Variants in TENM3 observed in about 807,000 individuals in gnomAD.
TENM3 encodes teneurin transmembrane protein 3, also known as teneurin-3.
In TENM3, 63 loss-of-function variants were observed where a neutral mutation model predicts 255.1. The observed-to-expected ratio is 0.25, with a 90% CI of 0.20 to 0.30. The LOEUF (loss-of-function observed/expected upper bound fraction) is 0.30, where lower values mean the gene tolerates loss of function less well. TENM3 is among the 10% of genes least tolerant of loss of function. TENM3 has a pLI of 1.00. For synonymous variants in TENM3, 1,306 were observed against 1,322.3 expected, an observed-to-expected ratio of 0.99 and a Z score of 0.27; for missense variants, 2,929 against 3,461.1, an observed-to-expected ratio of 0.85 and a Z score of 3.86.
At chr4:182,364,562 G>A (rs977654092) in intron 3 of TENM3, among the ~76,000 whole-genome samples, 8 of 152,032 alleles carry the variant, frequency 5.3e-5, no homozygotes, top group African/African-American at 9.7e-5. Flanking sequence ...GACTACGGGC[G>A]CCCACCACCA....
chr4:181,967,759 G>A, the TENM3 span, among the ~76,000 whole-genome samples: 1 of 152,138 alleles, frequency 6.6e-6, no homozygotes, highest in Non-Finnish European at 1.5e-5. Context: ...TAGAGGCTCA[G>A]AGTCAAACAG....
chr4:182,626,275 C>T (rs564525868), intron 4 of TENM3, among the ~76,000 whole-genome samples: 1 of 152,102 alleles, frequency 6.6e-6, no homozygotes, highest in Non-Finnish European at 1.5e-5. Flanking sequence ...ATTTGTAAAC[C>T]AGGGAATTAA....
At chr4:182,615,620 A>G (rs1749432397) in intron 4 of TENM3, among the ~76,000 whole-genome samples, 1 of 152,148 alleles carries the variant, frequency 6.6e-6, no homozygotes. Flanking sequence ...TACACACGGT[A>G]GATACTTAAA....
At chr4:182,396,533 TCTTCATTGA>T (rs1224156877) in intron 3 of TENM3, among the ~76,000 whole-genome samples, 2 of 152,338 alleles carry the variant, frequency 1.3e-5, no homozygotes, top group African/African-American at 4.8e-5. Context: ...ATGGTGCACT[TCTTCATTGA>T]CATGTTATAA....
the TENM3 span, among the ~76,000 whole-genome samples, chr4:181,926,992 C>T: frequency 6.6e-6 from 1 of 152,252 alleles, no homozygotes; most frequent in Non-Finnish European, 1.5e-5. Context: ...AGAAACTACA[C>T]TTTTCCCATG....
intron 6 of TENM3, among the ~76,000 whole-genome samples, chr4:182,658,719 G>T (rs532771479): frequency 2.0e-5 from 3 of 152,190 alleles, no homozygotes; most frequent in Non-Finnish European, 4.4e-5. Flanking sequence ...TACTTCTTGC[G>T]TTCTTACTTA....
At chr4:182,404,147 T>G (rs1348033448) in intron 3 of TENM3, among the ~76,000 whole-genome samples, 2 of 152,208 alleles carry the variant, frequency 1.3e-5, no homozygotes, top group Non-Finnish European at 2.9e-5. Flanking sequence ...CTGACATTTT[T>G]GTTCCCCTTC....
chr4:181,779,483 T>C, the TENM3 span, among the ~76,000 whole-genome samples: 1 of 151,794 alleles, frequency 6.6e-6, no homozygotes, highest in Admixed American at 6.6e-5. Flanking sequence ...AAATAAAAAG[T>C]TCTATCCTTT....
At chr4:181,653,991 C>T in the TENM3 span, among the ~76,000 whole-genome samples, 1 of 151,902 alleles carries the variant, frequency 6.6e-6, no homozygotes, top group African/African-American at 2.4e-5. Context: ...TTGGTGCCAT[C>T]ATATTCCCAG....
intron 19 of TENM3, among the ~76,000 whole-genome samples, chr4:182,749,077 G>A (rs780653283): frequency 1.3e-4 from 20 of 151,980 alleles, no homozygotes; most frequent in Admixed American, 1.2e-3. Context: ...GAAAACTCAC[G>A]TCCCATAGCT....
Position 182,601,031 on chromosome 4 carries a change from T to C in TENM3, c.619T>C (p.Ser207Pro), listed in dbSNP as rs965973706. Residue 207 changes from serine to proline, a missense_variant, in exon 4 of 28, where the codon TCC becomes CCC. Physicochemically the swap from Ser to Pro is moderately conservative, Grantham distance 74. This residue lies in a region of TENM3 where 283 missense variants were observed against 256.9 expected (regional missense o/e 1.10). Transcript: ENST00000511685. The part of the protein sequence containing the change: ...HPSITSLNRN[S>P]LTNRRNQSPA... ...ATCCATCACTTCTCTCAACAGAAACTCCCTGACCAATAGAAGGAACCAGAG... is the reference window on the plus strand; with the variant it reads ...ATCCATCACTTCTCTCAACAGAAACCCCCTGACCAATAGAAGGAACCAGAG... 1.3e-6 allele frequency: 2 copies of C among 1,582,220 alleles called. No individual in the cohort carries two copies. The highest frequency in any genetic ancestry group is 1.1e-5 in the South Asian group (1 of 90,454).
chr4:181,746,441 G>T, the TENM3 span, among the ~76,000 whole-genome samples: 1 of 152,156 alleles, frequency 6.6e-6, no homozygotes, highest in Non-Finnish European at 1.5e-5. Flanking sequence ...GAATGGCCTG[G>T]GGGGTCTGCA....
intron 19 of TENM3, among the ~76,000 whole-genome samples, chr4:182,748,303 T>C (rs1446430959): frequency 6.6e-6 from 1 of 152,236 alleles, no homozygotes; most frequent in East Asian, 1.9e-4. Flanking sequence ...ATGAGAATGC[T>C]GCTGTGCTTC....
At chr4:182,370,624 T>C (rs766489992) in intron 3 of TENM3, among the ~76,000 whole-genome samples, 26 of 152,220 alleles carry the variant, frequency 1.7e-4, no homozygotes, top group Non-Finnish European at 3.1e-4. Context: ...TGCTTAACCA[T>C]GGTCCTGATT....
chr4:182,667,603 A>G (rs930560071), intron 6 of TENM3, among the ~76,000 whole-genome samples: 1 of 152,230 alleles, frequency 6.6e-6, no homozygotes, highest in African/African-American at 2.4e-5. Flanking sequence ...GAGAGGTAGC[A>G]AGATAAAGCA....
chr4:182,675,903 CAA>C (rs1755627299), intron 7 of TENM3, among the ~76,000 whole-genome samples: 1 of 152,174 alleles, frequency 6.6e-6, no homozygotes, highest in Admixed American at 6.5e-5. Flanking sequence ...TATTTAAACA[CAA>C]TACATGTGAT....
At chr4:182,618,764 G>A (rs554986021) in intron 4 of TENM3, among the ~76,000 whole-genome samples, 1 of 152,156 alleles carries the variant, frequency 6.6e-6, no homozygotes, top group Admixed American at 6.5e-5. Context: ...TCATTTGAGG[G>A]TAAAAAAAAA....
intron 1 of TENM3, among the ~76,000 whole-genome samples, chr4:182,199,045 A>G (rs1350907282): frequency 6.6e-6 from 1 of 152,234 alleles, no homozygotes; most frequent in Non-Finnish European, 1.5e-5. Flanking sequence ...AAATTTCAGT[A>G]TAGTTTAGAT....
At chr4:182,214,248 T>C (rs970659967) in intron 1 of TENM3, among the ~76,000 whole-genome samples, 1 of 152,166 alleles carries the variant, frequency 6.6e-6, no homozygotes, top group Non-Finnish European at 1.5e-5. Flanking sequence ...CACTACCCCT[T>C]ATGTTTCTTA....
Sources: allele counts gnomAD v4.1 joint callset (sites outside exome capture counted in the v4.1 genomes callset), GRCh38; gene constraint gnomAD v4.1.1; regional missense constraint gnomAD v4.1.1; transcripts MANE v1.5; gene names NCBI Gene and HGNC (gene_info 2026-07-23, HGNC 2026-07-21).